The following MRPS9 variants were observed in gnomAD, a reference collection of about 807,000 sequenced individuals.
MRPS9 encodes the protein small ribosomal subunit protein uS9m.
Under a neutral mutation model 59.9 loss-of-function variants are expected in MRPS9, and 45 were observed. That is an observed-to-expected ratio of 0.75 (90% confidence interval 0.59 to 0.96). The LOEUF is 0.96. Ranked by LOEUF, MRPS9 falls within the 40% of genes least tolerant of loss-of-function variation. MRPS9 has a pLI of 0.00. For synonymous variants in MRPS9, 171 were observed against 166.8 expected (o/e 1.03, Z -0.19); for missense variants, 473 against 481.1 (o/e 0.98, Z 0.16).
intron 7 of MRPS9, chr2:105,091,548 T>C (rs1680558262): frequency 3.3e-6 from 1 of 301,080 alleles, no homozygotes; most frequent in Non-Finnish European, 6.8e-6. Context: ...TTTTTAAAAA[T>C]TTCAAACTAT....
intron 2 of MRPS9, among the ~76,000 whole-genome samples, chr2:105,064,167 G>A (rs1679954582): frequency 6.6e-6 from 1 of 152,192 alleles, no homozygotes; most frequent in Non-Finnish European, 1.5e-5. Flanking sequence ...GCACTTAAGG[G>A]ATGAGCAGAG....
At chr2:105,059,887 G>C (rs2104447373) in intron 2 of MRPS9, among the ~76,000 whole-genome samples, 1 of 152,144 alleles carries the variant, frequency 6.6e-6, no homozygotes, top group East Asian at 1.9e-4. Context: ...CATTAACAGA[G>C]AGTCTTTTCC....
At chr2:105,082,437 T>C (rs1006123846) in intron 5 of MRPS9, among the ~76,000 whole-genome samples, 3 of 152,212 alleles carry the variant, frequency 2.0e-5, no homozygotes, top group Non-Finnish European at 4.4e-5. Flanking sequence ...CTCTGTAAAG[T>C]TGACAAATCT....
At chr2:105,073,731 T>C (rs1472974447) in intron 4 of MRPS9, among the ~76,000 whole-genome samples, 4 of 152,172 alleles carry the variant, frequency 2.6e-5, no homozygotes, top group Non-Finnish European at 5.9e-5. Flanking sequence ...CAAAATGGAA[T>C]TCAAGGAGTG....
At chr2:105,074,683 A>C (rs1458453276) in intron 4 of MRPS9, among the ~76,000 whole-genome samples, 1 of 152,198 alleles carries the variant, frequency 6.6e-6, no homozygotes, top group Non-Finnish European at 1.5e-5. Context: ...GTTGAGCCAG[A>C]ATGTAGGGAG....
chr2:105,095,685 C>T (rs558611714), intron 9 of MRPS9, among the ~76,000 whole-genome samples: 6 of 151,552 alleles, frequency 4.0e-5, no homozygotes, highest in African/African-American at 1.5e-4. Flanking sequence ...TTAGTAGAGA[C>T]GGCGTTTCTC....
At chr2:105,065,701 G>A (rs1573430134) in intron 2 of MRPS9, among the ~76,000 whole-genome samples, 1 of 152,268 alleles carries the variant, frequency 6.6e-6, no homozygotes, top group South Asian at 2.1e-4. Flanking sequence ...AATGTTTAGT[G>A]GAAGTAAAGA....
rs775672617 is a variant in MRPS9 at position 105,096,293 on chromosome 2, A to T, written c.930-862A>T. ...ACTTGATTTTGGGTCTAGAAGCTACAGCATCAAAGAAAGCAAACGCAATAT... is the reference window on the plus strand; with the variant it reads ...ACTTGATTTTGGGTCTAGAAGCTACTGCATCAAAGAAAGCAAACGCAATAT... On this transcript the variant is annotated intron_variant, in intron 9 of 10. Coordinates refer to ENST00000258455, the MANE Select transcript of MRPS9 (RefSeq NM_182640.3). 9.5e-4 allele frequency among the ~76,000 whole-genome samples: 145 copies of T among 152,332 alleles called. 2 individuals carry two copies. Among genetic ancestry groups the T allele is most frequent in the Admixed American group, 3.9e-3 (59 of 15,302 alleles).
At chr2:105,084,784 C>A (rs1454013397) in intron 5 of MRPS9, among the ~76,000 whole-genome samples, 1 of 151,820 alleles carries the variant, frequency 6.6e-6, no homozygotes, top group Non-Finnish European at 1.5e-5. Context: ...ATTCAGCAGT[C>A]GAAATTGCTG....
chr2:105,060,017 TA>T (rs10547330), intron 2 of MRPS9, among the ~76,000 whole-genome samples: 58,960 of 99,990 alleles, frequency 0.59, 15,546 homozygotes, highest in East Asian at 0.79. Flanking sequence ...GGAAAACTGC[TA>T]AAAAAAAAAA....
intron 1 of MRPS9, among the ~76,000 whole-genome samples, chr2:105,047,184 T>G (rs1679608697): frequency 6.6e-6 from 1 of 151,990 alleles, no homozygotes; most frequent in South Asian, 2.1e-4. Flanking sequence ...TACTGTATCT[T>G]CACAAAGCAT....
At chr2:105,079,138 T>G (rs979445173) in intron 4 of MRPS9, among the ~76,000 whole-genome samples, 2 of 152,200 alleles carry the variant, frequency 1.3e-5, no homozygotes, top group African/African-American at 4.8e-5. Flanking sequence ...AGCGACAGAT[T>G]TGACTATTTA....
At chr2:105,039,239 AAC>A (rs939464213) in intron 1 of MRPS9, among the ~76,000 whole-genome samples, 4 of 152,200 alleles carry the variant, frequency 2.6e-5, no homozygotes, top group African/African-American at 2.4e-5. Flanking sequence ...TAAAAAAAAA[AAC>A]ATCTTTTTGT....
chr2:105,063,925 G>A (rs996626792), intron 2 of MRPS9, among the ~76,000 whole-genome samples: 3 of 152,252 alleles, frequency 2.0e-5, no homozygotes, highest in South Asian at 2.1e-4. Flanking sequence ...CTGCAGACAC[G>A]ACCGAGGTAA....
intron 2 of MRPS9, among the ~76,000 whole-genome samples, chr2:105,061,041 T>C (rs111536669): frequency 0.25 from 32,103 of 130,002 alleles, 3,590 homozygotes; most frequent in Middle Eastern, 0.44. Context: ...ACCCGGGAGG[T>C]GGAACTTGCA....
chr2:105,050,719 G>A (rs1021861442), intron 2 of MRPS9, among the ~76,000 whole-genome samples: 2 of 152,138 alleles, frequency 1.3e-5, no homozygotes, highest in South Asian at 2.1e-4. Context: ...CTTTTGTCAG[G>A]AATGTAATAA....
intron 1 of MRPS9, among the ~76,000 whole-genome samples, chr2:105,045,631 G>A (rs1478033642): frequency 1.3e-5 from 2 of 152,108 alleles, no homozygotes; most frequent in Admixed American, 1.3e-4. Context: ...TATTACATAG[G>A]AGTAGAAAAC....
Position 105,099,744 on chromosome 2 carries a change from A to G in MRPS9, c.1174A>G (p.Thr392Ala), listed in dbSNP as rs1167868222. The change falls in exon 11 of 11, where the codon ACG becomes GCG. Residue 392 changes from threonine (T) to alanine (A), a missense_variant. Coordinates refer to ENST00000258455, the MANE Select transcript of MRPS9 (RefSeq NM_182640.3). The part of the protein sequence containing the change: ...PGQEGARRKF[T>A]WKKR ...CCAAGAGGGAGCCCGCAGAAAGTTTACGTGGAAGAAACGCTAAGGGTTTGC... is the reference window on the plus strand; with the variant it reads ...CCAAGAGGGAGCCCGCAGAAAGTTTGCGTGGAAGAAACGCTAAGGGTTTGC... 2 of 1,614,192 alleles carry G rather than the reference A, an allele frequency of 1.2e-6. No individual in the cohort carries two copies. Among genetic ancestry groups the G allele is most frequent in the Admixed American group, 1.7e-5 (1 of 60,022 alleles).
intron 7 of MRPS9, chr2:105,091,519 A>G: frequency 3.0e-6 from 1 of 328,642 alleles, no homozygotes; most frequent in South Asian, 2.5e-5. Flanking sequence ...TTCTTTTAAT[A>G]TTAATCTTAC....
Sources: allele counts gnomAD v4.1 joint callset (sites outside exome capture counted in the v4.1 genomes callset), GRCh38; gene constraint gnomAD v4.1.1; transcripts MANE v1.5; gene names NCBI Gene and HGNC (gene_info 2026-07-23, HGNC 2026-07-21).